The following POLD3 variants were observed in gnomAD, a reference collection of about 807,000 sequenced individuals.
The protein encoded by POLD3 is DNA polymerase delta subunit 3.
Under a neutral mutation model 58.2 loss-of-function variants are expected in POLD3, and 19 were observed. That is an observed-to-expected ratio of 0.33 (90% CI 0.23 to 0.48). The LOEUF is 0.48. POLD3 is among the 20% of genes least tolerant of loss of function. The pLI is 0.99. For synonymous variants in POLD3, 172 were observed against 193.5 expected (o/e 0.89, Z 0.92); for missense variants, 504 against 545.5 (o/e 0.92, Z 0.76).
chr11:74,663,766 T>A (rs1445023943), intron 4 of POLD3, among the ~76,000 whole-genome samples: 1 of 152,152 alleles, frequency 6.6e-6, no homozygotes, highest in East Asian at 1.9e-4. Flanking sequence ...ATGGAATTCA[T>A]CAAAATTTAA....
chr11:74,656,511 C>T (rs993371805), intron 4 of POLD3, among the ~76,000 whole-genome samples: 2 of 151,958 alleles, frequency 1.3e-5, no homozygotes, highest in African/African-American at 4.8e-5. Flanking sequence ...CGCTTGAACC[C>T]GGGAGGCGGA....
chr11:74,666,074 A>G (rs2033264505), intron 4 of POLD3, among the ~76,000 whole-genome samples: 1 of 152,260 alleles, frequency 6.6e-6, no homozygotes, highest in South Asian at 2.1e-4. Context: ...TACAAGCCCA[A>G]TGTACAAACA....
intron 4 of POLD3, among the ~76,000 whole-genome samples, chr11:74,666,196 G>A (rs1186025153): frequency 6.6e-6 from 1 of 152,238 alleles, no homozygotes; most frequent in Non-Finnish European, 1.5e-5. Flanking sequence ...ACAACGAAGT[G>A]CAAAGCTTAT....
intron 11 of POLD3, chr11:74,638,762 A>G (rs560891697): frequency 9.0e-6 from 4 of 446,034 alleles, no homozygotes; most frequent in East Asian, 1.4e-4. Flanking sequence ...AGATCTTGCT[A>G]AAATTGAAAT....
chr11:74,657,474 T>A (rs941823845), intron 4 of POLD3, among the ~76,000 whole-genome samples: 2 of 151,068 alleles, frequency 1.3e-5, no homozygotes, highest in South Asian at 2.1e-4. Flanking sequence ...AAATACTATC[T>A]TATGACTCAT....
intron 2 of POLD3, among the ~76,000 whole-genome samples, chr11:74,599,962 T>A (rs566282923): frequency 2.2e-4 from 34 of 152,032 alleles, no homozygotes; most frequent in African/African-American, 7.7e-4. Flanking sequence ...TATTATTTTT[T>A]TTTTTTTTGA....
At chr11:74,638,737 A>G (rs2032828335) in intron 11 of POLD3, 2 of 453,810 alleles carry the variant, frequency 4.4e-6, no homozygotes, top group Non-Finnish European at 8.8e-6. Flanking sequence ...TTTGCCGGCT[A>G]TGTGCATTAC....
intron 8 of POLD3, among the ~76,000 whole-genome samples, chr11:74,628,074 A>C (rs2032482687): frequency 1.3e-5 from 2 of 152,154 alleles, no homozygotes; most frequent in Admixed American, 1.3e-4. Context: ...TTCTTGGATC[A>C]GTTTTGACTG....
At chr11:74,613,355 A>G (rs1396025770) in intron 5 of POLD3, among the ~76,000 whole-genome samples, 1 of 152,068 alleles carries the variant, frequency 6.6e-6, no homozygotes, top group Non-Finnish European at 1.5e-5. Flanking sequence ...CCTTAAAAAA[A>G]CAGTTCCTAA....
Position 74,641,151 on chromosome 11 carries a change from GTA to G in POLD3, c.*387_*388del. The G allele has an allele frequency of 1.0e-6, 1 of 990,818 alleles. No homozygotes were observed. Among genetic ancestry groups the G allele is most frequent in the Non-Finnish European group, 1.2e-6 (1 of 833,714 alleles). 61.4% of individuals were successfully genotyped at this position (990,818 alleles called of 1,614,324 possible). On this transcript the variant is annotated 3_prime_UTR_variant, in exon 12 of 12. Transcript: ENST00000263681. ...AGGAATTATTCCTTCTTGTTCCTCTGTATTCTAAGAATTCATGTGGGTGTTTC... is the reference window on the plus strand; with the variant it reads ...AGGAATTATTCCTTCTTGTTCCTCTGTTCTAAGAATTCATGTGGGTGTTTC...
At chr11:74,643,419 T>C (rs1166514267), downstream of POLD3, among the ~76,000 whole-genome samples, 5 of 152,300 alleles carry the variant, frequency 3.3e-5, no homozygotes, top group East Asian at 9.6e-4. Context: ...ACCATAGAAT[T>C]TGGCACTTGA....
intron 4 of POLD3, among the ~76,000 whole-genome samples, chr11:74,648,403 C>A (rs116994364): frequency 3.2e-3 from 483 of 152,154 alleles, no homozygotes; most frequent in Non-Finnish European, 5.5e-3. Flanking sequence ...TGTACCATGT[C>A]CTTCCTCCTC....
intron 11 of POLD3, 28 bp downstream of exon 11, chr11:74,636,303 A>G (rs1216029370): frequency 2.5e-6 from 4 of 1,608,952 alleles, no homozygotes; most frequent in Non-Finnish European, 3.4e-6. Context: ...CTCCAAATCC[A>G]GAGATAGAAT....
chr11:74,621,996 A>G (rs944907952), intron 7 of POLD3, among the ~76,000 whole-genome samples: 3 of 151,868 alleles, frequency 2.0e-5, no homozygotes, highest in Non-Finnish European at 4.4e-5. Flanking sequence ...CACTAGGTAT[A>G]TCTCCTAAAG....
intron 4 of POLD3, among the ~76,000 whole-genome samples, chr11:74,658,924 G>A (rs1264893181): frequency 6.6e-6 from 1 of 152,176 alleles, no homozygotes; most frequent in Non-Finnish European, 1.5e-5. Flanking sequence ...GGGTCTAGAG[G>A]ATGGTAGTCC....
chr11:74,650,964 G>T (rs1400747447), intron 4 of POLD3, among the ~76,000 whole-genome samples: 1 of 152,252 alleles, frequency 6.6e-6, no homozygotes, highest in Non-Finnish European at 1.5e-5. Context: ...ACTTCGGGCA[G>T]ACAGTGTGGT....
At chr11:74,655,946 A>C (rs1209304845) in intron 4 of POLD3, among the ~76,000 whole-genome samples, 1 of 152,228 alleles carries the variant, frequency 6.6e-6, no homozygotes, top group Non-Finnish European at 1.5e-5. Context: ...GTAATCTACA[A>C]AACAAAAATC....
intron 8 of POLD3, 92 bp downstream of exon 8, chr11:74,625,665 A>C: frequency 9.6e-7 from 1 of 1,040,658 alleles, no homozygotes; most frequent in Non-Finnish European, 1.4e-6. Flanking sequence ...TTTTCAGTTA[A>C]GTACTAAATC....
chr11:74,624,905 G>T (rs1383197281), intron 7 of POLD3, among the ~76,000 whole-genome samples: 1 of 152,150 alleles, frequency 6.6e-6, no homozygotes. Flanking sequence ...AACTTGCCCA[G>T]AGTGAAGCGG....
Sources: allele counts gnomAD v4.1 joint callset (sites outside exome capture counted in the v4.1 genomes callset), GRCh38; gene constraint gnomAD v4.1.1; transcripts MANE v1.5; gene names NCBI Gene and HGNC (gene_info 2026-07-23, HGNC 2026-07-21).